Variants in SYNPO2 observed in about 807,000 individuals in gnomAD.
SYNPO2 encodes synaptopodin-2.
A neutral mutation model predicts 85.0 loss-of-function variants in SYNPO2; 56 were observed. That is an observed-to-expected ratio of 0.66 (90% confidence interval 0.53 to 0.82). The LOEUF is 0.82. Ranked by LOEUF, SYNPO2 falls within the 40% of genes least tolerant of loss-of-function variation. The pLI is 0.00. For synonymous variants in SYNPO2, 602 were observed against 591.1 expected (o/e 1.02, Z -0.27); for missense variants, 1,575 against 1,534.2 (o/e 1.03, Z -0.44).
Position 119,033,167 on chromosome 4 carries a change from G to T in SYNPO2, c.3252+1140G>T, listed in dbSNP as rs944530215. 4 of 985,296 alleles carry T rather than the reference G, an allele frequency of 4.1e-6. No homozygotes were observed. In the African/African-American group the frequency reaches 7.0e-5, roughly 17 times the overall value. The allele number at this position is 985,296 out of a possible 1,614,324, so 61.0% of individuals were successfully genotyped here. A position where few individuals can be genotyped will look rare whatever the true frequency, so the allele number is the denominator to read the frequency against. ...ACTACAGGGGCTGATTGTGAAGCACGAGGAACCCCATGTGTGTGGAGACTG... is the reference window on the plus strand; with the variant it reads ...ACTACAGGGGCTGATTGTGAAGCACTAGGAACCCCATGTGTGTGGAGACTG... On this transcript the variant is annotated intron_variant, in intron 4 of 4. Coordinates refer to ENST00000307142, the MANE Select transcript of SYNPO2 (RefSeq NM_133477.3).
At chr4:119,015,436 G>A (rs999272707) in intron 1 of SYNPO2, among the ~76,000 whole-genome samples, 1 of 152,032 alleles carries the variant, frequency 6.6e-6, no homozygotes, top group Admixed American at 6.6e-5. Flanking sequence ...GACTTCATAT[G>A]TCTAGAGCTA....
At chr4:118,910,065 T>C (rs1733084720) in intron 1 of SYNPO2, among the ~76,000 whole-genome samples, 1 of 152,234 alleles carries the variant, frequency 6.6e-6, no homozygotes, top group Non-Finnish European at 1.5e-5. Flanking sequence ...AAATCATTCA[T>C]GTAGCTAAAG....
intron 4 of SYNPO2, among the ~76,000 whole-genome samples, chr4:119,039,051 C>A (rs1240685126): frequency 6.6e-6 from 1 of 152,122 alleles, no homozygotes; most frequent in African/African-American, 2.4e-5. Flanking sequence ...AAACTCATTA[C>A]ATTTGCAGAG....
chr4:119,030,641 C>T lies in SYNPO2; in HGVS notation c.1866C>T (p.Tyr622=), dbSNP rs1429542583. The stretch of plus-strand genomic sequence containing the variant: ...CTGACTTTCCTGCACCTCCACCTTA[C>T]TCTGCAGTCACTCCTCCCCCTGACG... ...PIADFPAPPP[Y]SAVTPPPDAF... is the part of the protein sequence containing the mutation. Residue 622 remains tyrosine (Y), a synonymous_variant, in exon 4 of 5, where the codon TAC becomes TAT. Transcript: ENST00000307142. The T allele has an allele frequency of 2.5e-6, 4 of 1,614,186 alleles. No homozygotes were observed. Among genetic ancestry groups the T allele is most frequent in the Non-Finnish European group, 2.5e-6 (3 of 1,180,040 alleles).
chr4:118,920,767 T>A (rs537832301), intron 1 of SYNPO2, among the ~76,000 whole-genome samples: 3 of 152,170 alleles, frequency 2.0e-5, no homozygotes, highest in Non-Finnish European at 4.4e-5. Flanking sequence ...AGTACACATA[T>A]GAAACCATTT....
At chr4:118,883,709 T>G (rs925349629) in intron 1 of SYNPO2, among the ~76,000 whole-genome samples, 2 of 83,444 alleles carry the variant, frequency 2.4e-5, no homozygotes, top group African/African-American at 6.7e-5. Flanking sequence ...AGATTTCTCT[T>G]TTTCTTTTTT....
In SYNPO2 at chr4:119,026,726, G is replaced by T. The variant is rs1737962259; in HGVS notation, c.357G>T (p.Gln119His). 2 of 1,614,164 alleles carry T rather than the reference G, an allele frequency of 1.2e-6. No individual in the cohort carries two copies. Among genetic ancestry groups the T allele is most frequent in the Non-Finnish European group, 1.7e-6 (2 of 1,180,030 alleles). Residue 119 changes from glutamine (Q) to histidine (H), a missense_variant, in exon 3 of 5, where the codon CAG becomes CAT. Around this residue, in one of 3 missense-constraint regions of SYNPO2, gnomAD observed 1,508 missense variants for 1,446.8 expected, o/e 1.04. Transcript: ENST00000307142. ...GTTATGTGGAAAGTACCACCCTGCA[G>T]ATTCGACCGGCCACAAAGACCCAGT... ...HGGYVESTTL[Q>H]IRPATKTQCT...
At chr4:118,962,424 G>A (rs955566464) in intron 1 of SYNPO2, among the ~76,000 whole-genome samples, 1 of 152,086 alleles carries the variant, frequency 6.6e-6, no homozygotes, top group Non-Finnish European at 1.5e-5. Flanking sequence ...GCGATAACGG[G>A]TACCTACAGA....
intron 4 of SYNPO2, among the ~76,000 whole-genome samples, chr4:119,041,497 C>CAG (rs1578672115): frequency 6.6e-6 from 1 of 151,930 alleles, no homozygotes; most frequent in East Asian, 1.9e-4. Flanking sequence ...AATTCACACT[C>CAG]AGAGTCTGTT....
chr4:118,854,724 C>A (rs1308982942), intron 1 of SYNPO2, among the ~76,000 whole-genome samples: 1 of 152,022 alleles, frequency 6.6e-6, no homozygotes. Context: ...TGTGGTACAT[C>A]AAAAAATGCA....
At chr4:119,003,888 T>G (rs745380713) in intron 1 of SYNPO2, among the ~76,000 whole-genome samples, 1 of 152,170 alleles carries the variant, frequency 6.6e-6, no homozygotes, top group African/African-American at 2.4e-5. Flanking sequence ...GGAGCCCAGA[T>G]ACGACATGGC....
intron 1 of SYNPO2, among the ~76,000 whole-genome samples, chr4:119,007,020 G>GAC: frequency 6.6e-6 from 1 of 150,700 alleles, no homozygotes; most frequent in South Asian, 2.1e-4. Context: ...AAGGGTTATG[G>GAC]ACATCACATT....
chr4:118,982,594 G>A (rs1341047198), intron 1 of SYNPO2, among the ~76,000 whole-genome samples: 2 of 152,186 alleles, frequency 1.3e-5, no homozygotes, highest in African/African-American at 2.4e-5. Context: ...GACTGGTTCC[G>A]CTCATCTCTG....
At chr4:118,946,508 T>C (rs1734510202) in intron 1 of SYNPO2, among the ~76,000 whole-genome samples, 1 of 152,158 alleles carries the variant, frequency 6.6e-6, no homozygotes. Context: ...GAACAACTCT[T>C]GAAGGATTCC....
Position 118,874,734 on chromosome 4 carries a change from A to G in SYNPO2, c.12+23794A>G, listed in dbSNP as rs72907287. Among the ~76,000 whole-genome samples the G allele has an allele frequency of 5.3e-3, 808 of 152,346 alleles. 4 individuals are homozygous for G. The highest frequency in any genetic ancestry group is 0.016 in the African/African-American group (656 of 41,568). ...ATACAAATTATAATTATAAAATTAAACATGAAACTGGATATTTATTTAAAA... is the reference window on the plus strand; with the variant it reads ...ATACAAATTATAATTATAAAATTAAGCATGAAACTGGATATTTATTTAAAA... On this transcript the variant is annotated intron_variant, in intron 1 of 4. Transcript: ENST00000610556.
chr4:118,938,041 A>G (rs967238062), intron 1 of SYNPO2, among the ~76,000 whole-genome samples: 1 of 152,144 alleles, frequency 6.6e-6, no homozygotes, highest in Non-Finnish European at 1.5e-5. Flanking sequence ...GGTGGCTCAC[A>G]CCTGTAATCC....
chr4:118,933,437 G>A (rs1733994684), intron 1 of SYNPO2, among the ~76,000 whole-genome samples: 3 of 152,210 alleles, frequency 2.0e-5, no homozygotes. Context: ...AATACCTTCA[G>A]CATATCAATT....
At chr4:119,020,623 A>G (rs994280036) in intron 1 of SYNPO2, among the ~76,000 whole-genome samples, 3 of 152,174 alleles carry the variant, frequency 2.0e-5, no homozygotes, top group African/African-American at 7.2e-5. Flanking sequence ...TGTTTTATCA[A>G]CATAAAACCT....
intron 1 of SYNPO2, among the ~76,000 whole-genome samples, chr4:119,012,376 T>TTTC (rs67132180): frequency 2.4e-4 from 5 of 21,126 alleles, no homozygotes; most frequent in African/African-American, 1.6e-3. Flanking sequence ...CCCCCTTTTC[T>TTTC]TTTTTTTTTT....
Sources: gnomAD v4.1 joint callset for allele counts (sites outside exome capture counted in the v4.1 genomes callset) on GRCh38, gnomAD v4.1.1 for gene constraint, gnomAD v4.1.1 regional missense constraint, MANE v1.5 for transcripts, NCBI Gene and HGNC (gene_info 2026-07-23, HGNC 2026-07-21) for gene names.